PKN2: variants seen among roughly 807,000 people sequenced by gnomAD.
PKN2 encodes the protein serine/threonine-protein kinase N2.
PKN2 carries 38 observed loss-of-function variants against 119.1 expected under a neutral mutation model. That is an observed-to-expected ratio of 0.32 (90% CI 0.25 to 0.42). PKN2 has a LOEUF of 0.42. Among genes scored for constraint, PKN2 ranks in the 10% least tolerant of loss-of-function variants. The probability of loss-of-function intolerance (pLI) is 1.00; values close to 1 mark genes in which losing one functional copy is unlikely to be tolerated. For synonymous variants in PKN2, 390 were observed against 384.9 expected (o/e 1.01, Z -0.15); for missense variants, 850 against 1,165.1 (o/e 0.73, Z 3.94).
intron 3 of PKN2, among the ~76,000 whole-genome samples, chr1:88,768,192 T>A (rs921930923): frequency 1.3e-5 from 2 of 152,244 alleles, no homozygotes; most frequent in Non-Finnish European, 2.9e-5. Context: ...TATTTCTTTT[T>A]AAAATTTCTT....
In PKN2 at chr1:88,730,248, C is replaced by T. The variant is rs972149291; in HGVS notation, c.49-10740C>T. 2.0e-5 allele frequency among the ~76,000 whole-genome samples: 3 copies of T among 152,018 alleles called. No individual in the cohort carries two copies. In the South Asian group the frequency reaches 6.2e-4, roughly 31 times the overall value. Reference sequence around the variant, plus strand: ...AACCAAATAGGGATTTATTTTCCATCTGAAACAAGAAGTAGAAAGGTAGCC... The same window carrying T: ...AACCAAATAGGGATTTATTTTCCATTTGAAACAAGAAGTAGAAAGGTAGCC... On this transcript the variant is annotated intron_variant, in intron 1 of 21. Transcript: ENST00000370521.
chr1:88,767,671 T>A (rs1266498761), intron 3 of PKN2, among the ~76,000 whole-genome samples: 1 of 152,204 alleles, frequency 6.6e-6, no homozygotes, highest in Non-Finnish European at 1.5e-5. Context: ...GACCTAAATG[T>A]CATTATGCAG....
At chr1:88,727,155 T>G (rs891548662) in intron 1 of PKN2, among the ~76,000 whole-genome samples, 4 of 152,054 alleles carry the variant, frequency 2.6e-5, no homozygotes, top group African/African-American at 9.6e-5. Flanking sequence ...ATAGACTTTT[T>G]TATCATTTTT....
At position 88,809,871 on chromosome 1, in the gene PKN2, G is replaced by A. The variant is rs149629563; in HGVS notation, c.2102+2096G>A. Among the ~76,000 whole-genome samples the A allele has an allele frequency of 5.9e-5, 9 of 151,884 alleles. No individual in the cohort carries two copies. The East Asian group carries it at 1.6e-3, about 26-fold the overall frequency. On this transcript the variant is annotated intron_variant, in intron 15 of 21. Coordinates refer to ENST00000370521, the MANE Select transcript of PKN2 (RefSeq NM_006256.4). ...TTCAAGCGATCCTCCTTGGCCTCCC[G>A]AAGTGTTGTGATTATAGGTGTAAGC...
chr1:88,755,878 T>G (rs1669177115), intron 2 of PKN2, among the ~76,000 whole-genome samples: 1 of 152,112 alleles, frequency 6.6e-6, no homozygotes, highest in Non-Finnish European at 1.5e-5. Context: ...TATGTAGTAT[T>G]TTTACAAATT....
At chr1:88,699,672 A>G (rs9803738) in intron 1 of PKN2, among the ~76,000 whole-genome samples, 10,231 of 152,208 alleles carry the variant, frequency 0.067, 701 homozygotes, top group African/African-American at 0.18. Flanking sequence ...TGAGAACACA[A>G]TGGTATTTGG....
intron 19 of PKN2, chr1:88,829,319 G>A (rs1672638365): frequency 1.7e-6 from 1 of 581,578 alleles, no homozygotes; most frequent in Non-Finnish European, 3.3e-6. Flanking sequence ...GCTATCAAAA[G>A]TATTCGCTAC....
chr1:88,767,437 A>T (rs1669706190), intron 3 of PKN2, among the ~76,000 whole-genome samples: 1 of 152,174 alleles, frequency 6.6e-6, no homozygotes, highest in South Asian at 2.1e-4. Flanking sequence ...TACAACAGGG[A>T]TACATTCTGA....
At chr1:88,701,172 A>C (rs546916059) in intron 1 of PKN2, among the ~76,000 whole-genome samples, 1 of 152,314 alleles carries the variant, frequency 6.6e-6, no homozygotes, top group South Asian at 2.1e-4. Context: ...GGCCGGGTGC[A>C]GTGGCTCATG....
intron 8 of PKN2, among the ~76,000 whole-genome samples, chr1:88,793,491 C>G (rs367856267): frequency 4.2e-4 from 64 of 152,134 alleles, no homozygotes; most frequent in South Asian, 1.7e-3. Context: ...GAATTGCCTA[C>G]TTTTTTTTCT....
intron 1 of PKN2, among the ~76,000 whole-genome samples, chr1:88,722,984 A>G (rs1447250147): frequency 6.6e-6 from 1 of 152,182 alleles, no homozygotes; most frequent in Admixed American, 6.5e-5. Flanking sequence ...ACCTGGCAGG[A>G]GCATCTAACC....
intron 2 of PKN2, among the ~76,000 whole-genome samples, chr1:88,759,331 C>G (rs1669347723): frequency 6.6e-6 from 1 of 152,284 alleles, no homozygotes; most frequent in South Asian, 2.1e-4. Flanking sequence ...CCACTGCACT[C>G]CAGGCTGGGT....
intron 1 of PKN2, among the ~76,000 whole-genome samples, chr1:88,722,081 C>T (rs1667702887): frequency 6.6e-6 from 1 of 152,130 alleles, no homozygotes; most frequent in Non-Finnish European, 1.5e-5. Context: ...TTGGTAGGCT[C>T]TAGTACTTGT....
At chr1:88,813,487 T>G in intron 15 of PKN2, 70 bp from the exon 16 acceptor site, 1 of 1,117,588 alleles carries the variant, frequency 8.9e-7, no homozygotes, top group Non-Finnish European at 1.2e-6. Flanking sequence ...AGTTTAGTAA[T>G]TTATAAAGAA....
chr1:88,720,626 C>T (rs1031277438), intron 1 of PKN2, among the ~76,000 whole-genome samples: 1 of 151,844 alleles, frequency 6.6e-6, no homozygotes, highest in African/African-American at 2.4e-5. Flanking sequence ...TTTCGTGACC[C>T]TTTTTTTTAT....
intron 2 of PKN2, among the ~76,000 whole-genome samples, chr1:88,750,977 C>T (rs1415729398): frequency 1.3e-5 from 2 of 152,154 alleles, no homozygotes; most frequent in East Asian, 1.9e-4. Context: ...AGATTCAGTG[C>T]TGTTAGTTTC....
At chr1:88,738,991 A>G (rs1334597702) in intron 1 of PKN2, among the ~76,000 whole-genome samples, 1 of 152,210 alleles carries the variant, frequency 6.6e-6, no homozygotes, top group African/African-American at 2.4e-5. Flanking sequence ...AAAAATCTAG[A>G]CAGCATTTTG....
intron 8 of PKN2, among the ~76,000 whole-genome samples, chr1:88,791,902 T>G (rs1045013242): frequency 6.6e-6 from 1 of 152,202 alleles, no homozygotes; most frequent in Non-Finnish European, 1.5e-5. Flanking sequence ...CCATACCTGG[T>G]CACAGATTTT....
rs182565284 is a variant in PKN2, at chr1:88,687,413, T to C, written c.48+2785T>C. Among the ~76,000 whole-genome samples the C allele has an allele frequency of 6.1e-4, 93 of 152,332 alleles. 1 individual carries two copies. Among genetic ancestry groups the C allele is most frequent in the Non-Finnish European group, 1.1e-3 (72 of 68,000 alleles). ...ATAACTAATTTGTTGTGTTGTATTC[T>C]CTTTTTTTATTTGAAGTATAGCAGA... On this transcript the variant is annotated intron_variant, in intron 1 of 21. Transcript: ENST00000370521.
Sources: gnomAD v4.1 joint callset for allele counts (sites outside exome capture counted in the v4.1 genomes callset) on GRCh38, gnomAD v4.1.1 for gene constraint, MANE v1.5 for transcripts, NCBI Gene and HGNC (gene_info 2026-07-23, HGNC 2026-07-21) for gene names.